Variants in AVEN observed in about 807,000 individuals in gnomAD.
AVEN encodes the protein cell death regulator Aven.
AVEN carries 41 observed loss-of-function variants against 38.1 expected under a neutral mutation model. The ratio of observed to expected loss-of-function variants is 1.08; its 90% CI spans 0.84 to 1.40. The LOEUF (loss-of-function observed/expected upper bound fraction) is 1.40. AVEN is among the 40% of genes most tolerant of loss of function. The pLI is 0.00. For missense variants in AVEN, 605 were observed against 438.8 expected, an observed-to-expected ratio of 1.38 and a Z score of -3.38; for synonymous variants, 206 against 171.8, an observed-to-expected ratio of 1.20 and a Z score of -1.56.
rs558807284 is a variant in AVEN, at chr15:34,007,582, A to T, written c.268-4373T>A. ...GTAGGCTGCTTCTATCATGCACCTT[A>T]AAATTCTTCCAGCTTTTACTCACTA... On this transcript the variant is annotated intron_variant, in intron 1 of 5. Transcript: ENST00000306730. Among the ~76,000 whole-genome samples, 369 of 152,316 alleles carry T rather than the reference A, an allele frequency of 2.4e-3. 3 individuals carry two copies. The highest frequency in any genetic ancestry group is 8.3e-3 in the African/African-American group (344 of 41,574).
chr15:33,989,929 G>C (rs956699605), intron 2 of AVEN, among the ~76,000 whole-genome samples: 30 of 151,052 alleles, frequency 2.0e-4, no homozygotes, highest in Non-Finnish European at 1.0e-4. Flanking sequence ...GATGAGGCCG[G>C]GTTCAGTGGC....
chr15:34,037,700 G>A (rs918586824), intron 1 of AVEN, among the ~76,000 whole-genome samples: 1 of 151,668 alleles, frequency 6.6e-6, no homozygotes, highest in Non-Finnish European at 1.5e-5. Flanking sequence ...TTCAAGTTTT[G>A]CCTATTACCT....
At chr15:33,899,716 T>C (rs1252899822) in intron 2 of AVEN, among the ~76,000 whole-genome samples, 1 of 152,112 alleles carries the variant, frequency 6.6e-6, no homozygotes, top group Non-Finnish European at 1.5e-5. Context: ...TCCACCTGCC[T>C]TGGCCTCCCA....
intron 2 of AVEN, among the ~76,000 whole-genome samples, chr15:33,936,857 C>T (rs574566539): frequency 9.8e-5 from 15 of 152,304 alleles, no homozygotes; most frequent in South Asian, 4.1e-4. Flanking sequence ...CAGGGCCAGG[C>T]GCAGTGGCTC....
At chr15:34,057,289 A>ACCACGC (rs1271902505) in intron 5 of AVEN, among the ~76,000 whole-genome samples, 1 of 141,062 alleles carries the variant, frequency 7.1e-6, no homozygotes, top group Non-Finnish European at 1.5e-5. Flanking sequence ...GGCACATGCC[A>ACCACGC]CCACGCCCAG....
intron 2 of AVEN, among the ~76,000 whole-genome samples, chr15:33,962,075 A>C (rs1444211573): frequency 6.6e-6 from 1 of 152,010 alleles, no homozygotes; most frequent in Non-Finnish European, 1.5e-5. Context: ...TTCCTATCTC[A>C]CTGAAATACT....
intron 2 of AVEN, among the ~76,000 whole-genome samples, chr15:33,895,611 C>T (rs1892202610): frequency 6.6e-6 from 1 of 152,124 alleles, no homozygotes; most frequent in African/African-American, 2.4e-5. Flanking sequence ...AGGCATGAGC[C>T]ACCACACCCA....
chr15:33,917,031 G>A lies in AVEN; in HGVS notation c.446-41036C>T, dbSNP rs182879870. Among the ~76,000 whole-genome samples, 926 of 152,164 alleles carry A rather than the reference G, an allele frequency of 6.1e-3. 46 individuals are homozygous for A. In the South Asian group the frequency reaches 0.13, roughly 22 times the overall value. On this transcript the variant is annotated intron_variant, in intron 2 of 5. Coordinates refer to ENST00000306730, the MANE Select transcript of AVEN (RefSeq NM_020371.3). ...ACAGCATGTGGGTAACTGCCCCCAT[G>A]ATTAGATTAGCTCCCACTGGGTCTC... is the stretch of plus-strand genomic sequence containing the variant.
chr15:33,883,806 A>C (rs1406681769), intron 2 of AVEN: 1 of 152,190 alleles, frequency 6.6e-6, no homozygotes, highest in African/African-American at 2.4e-5. Flanking sequence ...GAAAAAGCTC[A>C]ATTTTCTTGA....
chr15:33,865,278 A>G (rs763109140), downstream of AVEN: 511 of 1,328,676 alleles, frequency 3.8e-4, no homozygotes, highest in Non-Finnish European at 5.0e-4. Flanking sequence ...CCCATGAAAT[A>G]AAGTCCCCTT....
chr15:33,867,585 GT>G lies in AVEN; in HGVS notation c.882del (p.Pro295LeufsTer2). The G allele has an allele frequency of 2.5e-6, 4 of 1,614,190 alleles. No individual in the cohort carries two copies. Among genetic ancestry groups the G allele is most frequent in the Non-Finnish European group, 3.4e-6 (4 of 1,180,044 alleles). On this transcript the variant is annotated frameshift_variant, in exon 5 of 6. Transcript: ENST00000306730. LOFTEE classifies it high-confidence loss of function. ...AAGATGTTATCTCCCTCTTTTATAGGTGCATCTAAATTAAGCAACAGATCTA... is the reference window on the plus strand; with the variant it reads ...AAGATGTTATCTCCCTCTTTTATAGGGCATCTAAATTAAGCAACAGATCTA... ...EELDLLLNLD[A>X]PIKEGDNILP...
intron 2 of AVEN, among the ~76,000 whole-genome samples, chr15:33,900,842 T>G (rs1436488807): frequency 6.6e-6 from 1 of 152,180 alleles, no homozygotes; most frequent in Non-Finnish European, 1.5e-5. Context: ...CAGTTTTTTG[T>G]GTTTTCTTCA....
intron 1 of AVEN, among the ~76,000 whole-genome samples, chr15:34,031,949 A>C (rs1198590226): frequency 6.6e-6 from 1 of 152,060 alleles, no homozygotes; most frequent in Admixed American, 6.6e-5. Context: ...AAAGCTGTTA[A>C]TTATTTCCAT....
intron 2 of AVEN, among the ~76,000 whole-genome samples, chr15:33,904,246 CCT>C (rs1892597909): frequency 6.6e-6 from 1 of 152,096 alleles, no homozygotes; most frequent in Non-Finnish European, 1.5e-5. Context: ...GTAGTGATAC[CCT>C]GTCTCTACAA....
chr15:33,924,502 T>C (rs1893538102), intron 2 of AVEN, among the ~76,000 whole-genome samples: 1 of 152,170 alleles, frequency 6.6e-6, no homozygotes, highest in Non-Finnish European at 1.5e-5. Flanking sequence ...CTGATTTTTT[T>C]GTAGAGACAG....
At chr15:33,961,589 G>A (rs941356878) in intron 2 of AVEN, among the ~76,000 whole-genome samples, 35 of 151,910 alleles carry the variant, frequency 2.3e-4, no homozygotes, top group East Asian at 1.2e-3. Flanking sequence ...CAAGGTGGGC[G>A]AATCACGAGG....
At chr15:33,980,008 A>C (rs1207523576) in intron 2 of AVEN, among the ~76,000 whole-genome samples, 1 of 152,148 alleles carries the variant, frequency 6.6e-6, no homozygotes, top group African/African-American at 2.4e-5. Flanking sequence ...TCACTTTTTC[A>C]CTATGATTGT....
At chr15:34,038,745 A>G (rs1362067611) in intron 1 of AVEN, 35 bp downstream of exon 1, 5 of 1,144,382 alleles carry the variant, frequency 4.4e-6, no homozygotes, top group Non-Finnish European at 5.4e-6. Flanking sequence ...CCCCAGTTAC[A>G]CGCGGTCCCA....
At chr15:33,946,510 C>A (rs934857254) in intron 2 of AVEN, among the ~76,000 whole-genome samples, 1 of 152,152 alleles carries the variant, frequency 6.6e-6, no homozygotes, top group Non-Finnish European at 1.5e-5. Context: ...TCCAAGGGAA[C>A]AAAGCTTAGT....
Sources: allele counts gnomAD v4.1 joint callset (sites outside exome capture counted in the v4.1 genomes callset), GRCh38; gene constraint gnomAD v4.1.1; transcripts MANE v1.5; gene names NCBI Gene and HGNC (gene_info 2026-07-23, HGNC 2026-07-21).